MECR: variants seen among roughly 807,000 people sequenced by gnomAD.
MECR encodes the protein enoyl-[acyl-carrier-protein] reductase, mitochondrial.
In MECR, 37 loss-of-function variants were observed where a neutral mutation model predicts 49.1. The ratio of observed to expected loss-of-function variants is 0.75; its 90% confidence interval spans 0.58 to 0.99. The LOEUF (loss-of-function observed/expected upper bound fraction) is 0.99, where lower values mean the gene tolerates loss of function less well. MECR is among the 50% of genes least tolerant of loss of function. The pLI, the probability that MECR is intolerant of heterozygous loss-of-function variation, is 0.00. For missense variants in MECR, 470 were observed against 479.6 expected (o/e 0.98, Z 0.19); for synonymous variants, 198 against 191.1 (o/e 1.04, Z -0.30).
At chr1:29,211,432 T>A (rs534463104) in intron 3 of MECR, among the ~76,000 whole-genome samples, 1 of 152,260 alleles carries the variant, frequency 6.6e-6, no homozygotes, top group Non-Finnish European at 1.5e-5. Flanking sequence ...CCTGTGGCTG[T>A]TTACGATAGT....
intron 1 of MECR, among the ~76,000 whole-genome samples, chr1:29,227,776 CAG>C (rs1247903380): frequency 6.6e-6 from 1 of 152,220 alleles, no homozygotes; most frequent in Non-Finnish European, 1.5e-5. Context: ...CTTTCTGTGA[CAG>C]TGTGGTTACC....
At chr1:29,181,283 T>C in the MECR span, among the ~76,000 whole-genome samples, 2 of 152,216 alleles carry the variant, frequency 1.3e-5, no homozygotes, top group African/African-American at 4.8e-5. Context: ...CGGGAAAGGT[T>C]GGTGTCTACC....
intron 9 of MECR, among the ~76,000 whole-genome samples, chr1:29,195,518 C>T (rs1558409838): frequency 1.3e-5 from 2 of 152,216 alleles, no homozygotes; most frequent in Admixed American, 1.3e-4. Context: ...ATTTCCTCCT[C>T]TGTCAAACAC....
chr1:29,225,937 G>A (rs1681925782), intron 1 of MECR, among the ~76,000 whole-genome samples: 1 of 152,164 alleles, frequency 6.6e-6, no homozygotes, highest in Non-Finnish European at 1.5e-5. Flanking sequence ...GGGAGGCTGA[G>A]GCAGGTGGAT....
downstream of MECR, among the ~76,000 whole-genome samples, chr1:29,188,917 C>T (rs886589778): frequency 2.0e-5 from 3 of 149,414 alleles, no homozygotes; most frequent in East Asian, 2.0e-4. Flanking sequence ...GGATTACAGG[C>T]GTGAGCCACC....
At chr1:29,187,625 A>G in the MECR span, among the ~76,000 whole-genome samples, 7 of 151,208 alleles carry the variant, frequency 4.6e-5, no homozygotes, top group East Asian at 1.0e-3. Context: ...GTTGAGACAG[A>G]GTCTCACTCT....
chr1:29,185,050 C>T, the MECR span, among the ~76,000 whole-genome samples: 1 of 151,798 alleles, frequency 6.6e-6, no homozygotes, highest in South Asian at 2.1e-4. Context: ...AGCTTGAACC[C>T]AGGAGGCGGA....
At chr1:29,187,239 A>C in the MECR span, among the ~76,000 whole-genome samples, 1 of 152,084 alleles carries the variant, frequency 6.6e-6, no homozygotes, top group African/African-American at 2.4e-5. Context: ...TTTGAGACCG[A>C]GTCTCACTCT....
chr1:29,173,648 C>T, the MECR span, among the ~76,000 whole-genome samples: 1 of 148,500 alleles, frequency 6.7e-6, no homozygotes, highest in African/African-American at 2.5e-5. Flanking sequence ...GGGGTTTCAC[C>T]ATGCTGGCCA....
chr1:29,211,273 T>C (rs946257935), intron 3 of MECR, among the ~76,000 whole-genome samples: 1 of 152,182 alleles, frequency 6.6e-6, no homozygotes, highest in African/African-American at 2.4e-5. Flanking sequence ...TTCACCAAGT[T>C]GCCCAGGCCA....
At chr1:29,214,249 C>CG (rs1678768845) in intron 3 of MECR, among the ~76,000 whole-genome samples, 1 of 151,614 alleles carries the variant, frequency 6.6e-6, no homozygotes, top group Non-Finnish European at 1.5e-5. Context: ...TTAGAAGAGA[C>CG]GGGGTTTTAC....
intron 1 of MECR, among the ~76,000 whole-genome samples, chr1:29,218,669 G>A (rs1477826474): frequency 1.3e-5 from 2 of 152,134 alleles, no homozygotes; most frequent in African/African-American, 2.4e-5. Context: ...TCAGGAGGTC[G>A]AGACCAGCCT....
In MECR at chr1:29,230,869, G is replaced by A. The variant is rs747434061; in HGVS notation, c.38C>T (p.Pro13Leu). The A allele has an allele frequency of 5.6e-6, 9 of 1,607,606 alleles. No individual in the cohort carries two copies. Among genetic ancestry groups the A allele is most frequent in the East Asian group, 2.2e-5 (1 of 44,804 alleles). Residue 13 changes from proline (P) to leucine (L), a missense_variant, in exon 1 of 10, where the codon CCC becomes CTC. Transcript: ENST00000263702. Reference sequence around the variant, plus strand: ...GAGCAGCCCCCGCCACTGCCGGGCGGGGGTTCGCACCCGCCACAGGGTACT... The same window carrying A: ...GAGCAGCCCCCGCCACTGCCGGGCGAGGGTTCGCACCCGCCACAGGGTACT... ...VCSTLWRVRT[P>L]ARQWRGLLPA... is the part of the protein sequence containing the mutation.
chr1:29,215,670 G>C (rs1472361732), intron 3 of MECR, among the ~76,000 whole-genome samples: 1 of 150,992 alleles, frequency 6.6e-6, no homozygotes, highest in African/African-American at 2.4e-5. Context: ...AGGAGTTTGA[G>C]ACCCAGCCTG....
At chr1:29,221,077 G>GT (rs1223522811) in intron 1 of MECR, 4 of 182,976 alleles carry the variant, frequency 2.2e-5, no homozygotes, top group African/African-American at 9.5e-5. Flanking sequence ...GCACGCACCT[G>GT]TAGTCCCAGC....
At chr1:29,185,098 C>T in the MECR span, among the ~76,000 whole-genome samples, 1 of 152,092 alleles carries the variant, frequency 6.6e-6, no homozygotes, top group African/African-American at 2.4e-5. Flanking sequence ...TGCACTCCAG[C>T]CTGGGCAACA....
chr1:29,212,282 A>G (rs1678204429), intron 3 of MECR, among the ~76,000 whole-genome samples: 1 of 152,056 alleles, frequency 6.6e-6, no homozygotes, highest in African/African-American at 2.4e-5. Flanking sequence ...AGCCAGGTGT[A>G]GTGGTGGGCG....
chr1:29,194,287 C>T, intron 9 of MECR, 108 bp from the exon 10 acceptor site: 3 of 1,231,248 alleles, frequency 2.4e-6, no homozygotes, highest in Admixed American at 2.4e-5. Flanking sequence ...TCCAATAAAG[C>T]CTTGAGAGTC....
the MECR span, among the ~76,000 whole-genome samples, chr1:29,180,517 G>C: frequency 1.3e-5 from 2 of 152,138 alleles, no homozygotes; most frequent in Non-Finnish European, 2.9e-5. Flanking sequence ...AACATACTTA[G>C]GTAACTTTCA....
Sources: allele counts gnomAD v4.1 joint callset (sites outside exome capture counted in the v4.1 genomes callset), GRCh38; gene constraint gnomAD v4.1.1; transcripts MANE v1.5; gene names NCBI Gene and HGNC (gene_info 2026-07-23, HGNC 2026-07-21).